TASOR2: variants seen among roughly 807,000 people sequenced by gnomAD.
The protein encoded by TASOR2 is protein TASOR 2.
Under a neutral mutation model 199.5 loss-of-function variants are expected in TASOR2, and 84 were observed. That is an observed-to-expected ratio of 0.42 (90% CI 0.35 to 0.50). TASOR2 has a LOEUF of 0.50. Ranked by LOEUF, TASOR2 falls within the 20% of genes least tolerant of loss-of-function variation. The probability of loss-of-function intolerance (pLI) is 0.02; values close to 1 mark genes in which losing one functional copy is unlikely to be tolerated. For missense variants in TASOR2, 2,796 were observed against 2,835.9 expected (o/e 0.99, Z 0.32); for synonymous variants, 1,103 against 1,046.6 (o/e 1.05, Z -1.04).
chr10:5,724,018 A>G (rs1335251597), intron 7 of TASOR2, among the ~76,000 whole-genome samples: 1 of 152,244 alleles, frequency 6.6e-6, no homozygotes, highest in African/African-American at 2.4e-5. Flanking sequence ...TACTGATGCA[A>G]TTAAGCAAGC....
chr10:5,727,446 A>T (rs1834190702), intron 10 of TASOR2, among the ~76,000 whole-genome samples: 1 of 152,212 alleles, frequency 6.6e-6, no homozygotes, highest in Non-Finnish European at 1.5e-5. Flanking sequence ...CAGAGTCTTC[A>T]TAGGTGCTGT....
Position 5,742,355 on chromosome 10 carries a change from T to C in TASOR2, c.2586T>C (p.His862=). The stretch of plus-strand genomic sequence containing the variant: ...AGACTAACGAAATTTCCAGGGCTCA[T>C]GCTGCTGAAGTATCCTTCCGTGATC... The change falls in exon 14 of 21, where the codon CAT becomes CAC. Residue 862 remains histidine, a synonymous_variant. Coordinates refer to ENST00000328090, the Ensembl canonical transcript of TASOR2. The surrounding 1 kb of genome is among the most constrained non-coding windows in gnomAD (Gnocchi z 4.2). The C allele has an allele frequency of 1.9e-6, 3 of 1,614,162 alleles. No individual in the cohort carries two copies. The highest frequency in any genetic ancestry group is 2.5e-6 in the Non-Finnish European group (3 of 1,180,020).
At chr10:5,749,799 C>A in exon 15 of TASOR2, 4 of 1,614,016 alleles carry the variant, frequency 2.5e-6, no homozygotes, top group Non-Finnish European at 2.5e-6. Flanking sequence ...AGAATAGCAA[C>A]CAATTCATTT....
chr10:5,731,758 A>T (rs1418015359), intron 11 of TASOR2, among the ~76,000 whole-genome samples: 10 of 152,234 alleles, frequency 6.6e-5, no homozygotes, highest in Non-Finnish European at 1.5e-4. Flanking sequence ...TATGTTCCAC[A>T]TGTAAAACCA....
Position 5,685,337 on chromosome 10 carries a change from C to T in TASOR2, c.-288+162C>T, listed in dbSNP as rs1835689386. On this transcript the variant is annotated intron_variant, in intron 1 of 20. Transcript: ENST00000328090. The surrounding 1 kb of genome is among the most constrained non-coding windows in gnomAD (Gnocchi z 5.4). The stretch of plus-strand genomic sequence containing the variant: ...GTGAGGGGGTGGGAGGGGTCGGCGC[C>T]TTCTAGATGACTCAACCTTCTGTCC... Among the ~76,000 whole-genome samples, 1 of 152,020 alleles carries T rather than the reference C, an allele frequency of 6.6e-6. No individual in the cohort carries two copies. Among genetic ancestry groups the T allele is most frequent in the Non-Finnish European group, 1.5e-5 (1 of 67,982 alleles).
At chr10:5,718,620 G>C (rs188826820) in intron 3 of TASOR2, among the ~76,000 whole-genome samples, 55 of 151,888 alleles carry the variant, frequency 3.6e-4, no homozygotes, top group Non-Finnish European at 6.9e-4. Context: ...TTAGCCTGAC[G>C]TGGTGGCGGG....
At chr10:5,747,650 C>G (rs375581571) in exon 15 of TASOR2, 7 of 1,614,014 alleles carry the variant, frequency 4.3e-6, no homozygotes, top group Non-Finnish European at 5.9e-6. Flanking sequence ...CCTCCAGTAC[C>G]AGTTAAAGAG....
chr10:5,747,412 C>T (rs754146388), exon 15 of TASOR2: 18 of 1,614,106 alleles, frequency 1.1e-5, no homozygotes, highest in South Asian at 3.3e-5. Context: ...AGAGGTGGCT[C>T]TCACAGAAAG....
At position 5,751,988 on chromosome 10, in the gene TASOR2, A is replaced by G. The variant is rs1838103750; in HGVS notation, c.6606+1961A>G. ...GTGTTTTGACTTATTGTCCCTCCCA[A>G]GTCCCCCTCCCCCATCCTCCTCCCA... On this transcript the variant is annotated intron_variant, in intron 15 of 20. Coordinates refer to ENST00000328090, the Ensembl canonical transcript of TASOR2. This position sits in a 1 kb window ranked among gnomAD's most constrained non-coding sequence, Gnocchi z 5.3. 6.6e-6 allele frequency among the ~76,000 whole-genome samples: 1 copy of G among 151,852 alleles called. No individual in the cohort carries two copies. Among genetic ancestry groups the G allele is most frequent in the Non-Finnish European group, 1.5e-5 (1 of 67,992 alleles).
rs1257201777 is a variant in TASOR2 at position 5,720,553 on chromosome 10, T to G, written c.-90T>G. 1.1e-5 allele frequency: 17 copies of G among 1,601,484 alleles called. No homozygotes were observed. The highest frequency in any genetic ancestry group is 1.4e-5 in the Non-Finnish European group (16 of 1,173,964). On this transcript the variant is annotated 5_prime_UTR_variant, in exon 4 of 21. Coordinates refer to ENST00000328090, the Ensembl canonical transcript of TASOR2. This position sits in a 1 kb window ranked among gnomAD's most constrained non-coding sequence, Gnocchi z 5.3. Reference sequence around the variant, plus strand: ...ATTTTTCCTCTTTCAGTATTACTTTTACGAACTTTCAGGCAACACCGTTAT... The same window carrying G: ...ATTTTTCCTCTTTCAGTATTACTTTGACGAACTTTCAGGCAACACCGTTAT...
At position 5,689,776 on chromosome 10, in the gene TASOR2, T is replaced by C. The variant is rs1482408599; in HGVS notation, c.-288+4601T>C. 6.6e-6 allele frequency among the ~76,000 whole-genome samples: 1 copy of C among 152,208 alleles called. No homozygotes were observed. The highest frequency in any genetic ancestry group is 1.5e-5 in the Non-Finnish European group (1 of 68,038). The stretch of plus-strand genomic sequence containing the variant: ...AATTATCTACATAGTAAATATTCTC[T>C]TCTGGTCTTTTACTCTTCTTTCACT... On this transcript the variant is annotated intron_variant, in intron 1 of 20. Transcript: ENST00000328090. This position sits in a 1 kb window ranked among gnomAD's most constrained non-coding sequence, Gnocchi z 4.1.
intron 12 of TASOR2, among the ~76,000 whole-genome samples, chr10:5,736,347 G>A (rs1024259937): frequency 3.9e-5 from 6 of 152,084 alleles, no homozygotes; most frequent in Non-Finnish European, 7.4e-5. Context: ...GAACCTGGGG[G>A]GCAGAGGTTG....
At chr10:5,735,599 G>A (rs1489828401) in intron 12 of TASOR2, 53 bp downstream of exon 13, 1 of 1,575,694 alleles carries the variant, frequency 6.3e-7, no homozygotes, top group East Asian at 2.2e-5. Flanking sequence ...ATCTAACAGA[G>A]AGTGCAAGAT....
intron 18 of TASOR2, 182 bp from the exon 20 acceptor site, chr10:5,761,108 C>T: frequency 1.8e-6 from 1 of 548,114 alleles, no homozygotes; most frequent in Non-Finnish European, 3.2e-6. Context: ...GTTTAAAATC[C>T]ACATTTACAA....
In TASOR2 at chr10:5,690,096, G is replaced by A. The variant is rs1391353007; in HGVS notation, c.-288+4921G>A. ...TCTTCCTTGTATTTGTGGTTGTATC[G>A]TCTTTGCTTTCAATATTTAATTTTT... is the stretch of plus-strand genomic sequence containing the variant. On this transcript the variant is annotated intron_variant, in intron 1 of 20. Transcript: ENST00000328090. This position sits in a 1 kb window ranked among gnomAD's most constrained non-coding sequence, Gnocchi z 4.8. Among the ~76,000 whole-genome samples, 3 of 152,124 alleles carry A rather than the reference G, an allele frequency of 2.0e-5. No homozygotes were observed. Among genetic ancestry groups the A allele is most frequent in the South Asian group, 2.1e-4 (1 of 4,820 alleles).
At chr10:5,707,726 T>TCTCACA (rs1210876073) in intron 1 of TASOR2, among the ~76,000 whole-genome samples, 5 of 129,112 alleles carry the variant, frequency 3.9e-5, no homozygotes, top group African/African-American at 1.3e-4. Flanking sequence ...TCACTCATTT[T>TCTCACA]CACACACACA....
rs1837846158 is a variant in TASOR2, at chr10:5,701,527, T to G, written c.-287-11296T>G. ...TCATTGGAATTTTGATAGGGATTGA[T>G]TGCATTGAATCTGTAAATTGGCTTT... On this transcript the variant is annotated intron_variant, in intron 1 of 20. Coordinates refer to ENST00000328090, the Ensembl canonical transcript of TASOR2. The surrounding 1 kb of genome is among the most constrained non-coding windows in gnomAD (Gnocchi z 4.9). Among the ~76,000 whole-genome samples the G allele has an allele frequency of 6.6e-6, 1 of 152,198 alleles. No individual in the cohort carries two copies. The highest frequency in any genetic ancestry group is 2.4e-5 in the African/African-American group (1 of 41,458).
At position 5,689,365 on chromosome 10, in the gene TASOR2, G is replaced by A. The variant is rs1836164800; in HGVS notation, c.-288+4190G>A. On this transcript the variant is annotated intron_variant, in intron 1 of 20. Coordinates refer to ENST00000328090, the Ensembl canonical transcript of TASOR2. The surrounding 1 kb of genome is among the most constrained non-coding windows in gnomAD (Gnocchi z 4.1). ...GCCTGTAATCCCAGCACTTTGGGTG[G>A]CCGAGGTGGGCGGATCAAGAGGTCA... 6.6e-6 allele frequency among the ~76,000 whole-genome samples: 1 copy of A among 152,196 alleles called. No individual in the cohort carries two copies.
At chr10:5,711,065 A>T (rs990783851) in intron 1 of TASOR2, among the ~76,000 whole-genome samples, 26 of 152,248 alleles carry the variant, frequency 1.7e-4, no homozygotes, top group Middle Eastern at 6.8e-3. Context: ...AGTGAAACTG[A>T]GCAAAAGTAA....
Sources: gnomAD v4.1 joint callset for allele counts (sites outside exome capture counted in the v4.1 genomes callset) on GRCh38, gnomAD v4.1.1 for gene constraint, Gnocchi (gnomAD v3.1) non-coding constraint, MANE v1.5 for transcripts, NCBI Gene and HGNC (gene_info 2026-07-23, HGNC 2026-07-21) for gene names.